KCNH1: variants seen among roughly 807,000 people sequenced by gnomAD.
KCNH1 encodes potassium voltage-gated channel subfamily H member 1.
In KCNH1, 27 loss-of-function variants were observed where a neutral mutation model predicts 69.2. That is an observed-to-expected ratio of 0.39 (90% CI 0.29 to 0.54). The LOEUF is 0.54. KCNH1 is among the 20% of genes least tolerant of loss of function. The probability of loss-of-function intolerance (pLI) is 0.68; values close to 1 mark genes in which losing one functional copy is unlikely to be tolerated. For synonymous variants in KCNH1, 456 were observed against 487.7 expected (o/e 0.93, Z 0.86); for missense variants, 798 against 1,261.6 (o/e 0.63, Z 5.57).
chr1:211,005,198 A>T (rs1689258584), intron 6 of KCNH1, among the ~76,000 whole-genome samples: 2 of 152,172 alleles, frequency 1.3e-5, no homozygotes, highest in South Asian at 4.1e-4. Context: ...AAATATTTCT[A>T]GAAAAATTCA....
intron 6 of KCNH1, among the ~76,000 whole-genome samples, chr1:211,005,770 CA>C: frequency 6.6e-6 from 1 of 152,072 alleles, no homozygotes; most frequent in Non-Finnish European, 1.5e-5. Flanking sequence ...TTTTGCTCAT[CA>C]AAATGCATCC....
intron 3 of KCNH1, among the ~76,000 whole-genome samples, chr1:211,092,380 C>T (rs1457098087): frequency 2.6e-5 from 4 of 152,184 alleles, no homozygotes; most frequent in Admixed American, 2.0e-4. Context: ...GTAGTAATAA[C>T]CCTGAAATGT....
intron 9 of KCNH1, among the ~76,000 whole-genome samples, chr1:210,791,781 CT>C (rs1297999934): frequency 7.2e-5 from 11 of 152,162 alleles, no homozygotes; most frequent in Admixed American, 7.2e-4. Context: ...ATGTTATGCT[CT>C]GGTGATTGCT....
At chr1:210,992,934 T>C (rs756856505) in intron 6 of KCNH1, among the ~76,000 whole-genome samples, 1 of 152,214 alleles carries the variant, frequency 6.6e-6, no homozygotes, top group Non-Finnish European at 1.5e-5. Context: ...TTCATGGGTC[T>C]GTCTTTGCAC....
intron 10 of KCNH1, among the ~76,000 whole-genome samples, chr1:210,718,675 C>T (rs1031964642): frequency 3.5e-5 from 4 of 112,802 alleles, no homozygotes; most frequent in Admixed American, 9.5e-5. Context: ...CACACACACA[C>T]ACACACACAC....
At position 210,821,802 on chromosome 1, in the gene KCNH1, CTATTTATTTATTTATTTATT is replaced by C. The variant is rs71767944; in HGVS notation, c.1463-17656_1463-17637del. 6.4e-3 allele frequency among the ~76,000 whole-genome samples: 907 copies of C among 142,524 alleles called. 8 individuals carry two copies. The highest frequency in any genetic ancestry group is 0.019 in the African/African-American group (723 of 38,232). 93.5% of individuals were successfully genotyped at this position (142,524 alleles called of 152,430 possible). A position where few individuals can be genotyped will look rare whatever the true frequency, so the allele number is the denominator to read the frequency against. ...ACTTGGTCCAATAGATTAACTCCAG[CTATTTATTTATTTATTTATT>C]TATTTATTTATTTATTTATTTATTT... On this transcript the variant is annotated intron_variant, in intron 7 of 10. Transcript: ENST00000271751.
chr1:210,902,472 C>A (rs147248748), intron 7 of KCNH1, among the ~76,000 whole-genome samples: 201 of 152,314 alleles, frequency 1.3e-3, no homozygotes, highest in African/African-American at 4.7e-3. Context: ...TGGGAGGAAG[C>A]TGGCTCTGTT....
At position 210,849,485 on chromosome 1, in the gene KCNH1, G is replaced by A. The variant is rs527468890; in HGVS notation, c.1463-45319C>T. 4.6e-5 allele frequency among the ~76,000 whole-genome samples: 7 copies of A among 150,862 alleles called. No homozygotes were observed. The East Asian group carries it at 1.4e-3, about 30-fold the overall frequency. On this transcript the variant is annotated intron_variant, in intron 7 of 10. Transcript: ENST00000271751. ...GGGTTCAAGCGATTCTCATGCCTCA[G>A]CCTCCTGGGTAGCTGGGATTACAAG...
At chr1:210,723,081 T>G (rs1022850150) in intron 10 of KCNH1, among the ~76,000 whole-genome samples, 1 of 152,122 alleles carries the variant, frequency 6.6e-6, no homozygotes. Flanking sequence ...TAAAGAGGTA[T>G]GAGCAAAGTA....
intron 3 of KCNH1, among the ~76,000 whole-genome samples, chr1:211,099,623 A>G (rs1334749293): frequency 6.6e-6 from 1 of 151,760 alleles, no homozygotes; most frequent in African/African-American, 2.4e-5. Flanking sequence ...TGACGCCCTC[A>G]CTTTGCATCA....
Position 210,679,510 on chromosome 1 carries a change from G to A in KCNH1, c.*3771C>T, listed in dbSNP as rs922201072. ...AGTGGTCAGTGCAACAAGGGGAAAT[G>A]AGAATCTTCCTATACCTAGTCTTCC... On this transcript the variant is annotated 3_prime_UTR_variant, in exon 11 of 11. Transcript: ENST00000271751. 1 of 152,230 alleles carries A rather than the reference G, an allele frequency of 6.6e-6. No individual in the cohort carries two copies. Among genetic ancestry groups the A allele is most frequent in the Admixed American group, 6.5e-5 (1 of 15,278 alleles). The allele number at this position is 152,230 out of a possible 1,614,324, so 9.4% of individuals were successfully genotyped here. A position where few individuals can be genotyped will look rare whatever the true frequency, so the allele number is the denominator to read the frequency against.
At chr1:211,094,680 G>C (rs1691114390) in intron 3 of KCNH1, among the ~76,000 whole-genome samples, 1 of 152,136 alleles carries the variant, frequency 6.6e-6, no homozygotes, top group Non-Finnish European at 1.5e-5. Context: ...GCCTTGGTGG[G>C]TTAGGTGCTC....
At chr1:211,037,912 C>G in intron 5 of KCNH1, among the ~76,000 whole-genome samples, 1 of 151,414 alleles carries the variant, frequency 6.6e-6, no homozygotes, top group Non-Finnish European at 1.5e-5. Context: ...ATAAGTCTCA[C>G]GAGATTTGAT....
chr1:210,823,221 T>G (rs1240217826), intron 7 of KCNH1, among the ~76,000 whole-genome samples: 1 of 152,092 alleles, frequency 6.6e-6, no homozygotes, highest in Admixed American at 6.6e-5. Context: ...TAAGTGGTCA[T>G]ACATGTGAAG....
intron 7 of KCNH1, among the ~76,000 whole-genome samples, chr1:210,907,592 G>C (rs887454272): frequency 1.3e-5 from 2 of 152,000 alleles, no homozygotes; most frequent in African/African-American, 2.4e-5. Context: ...ATGTGATCCT[G>C]TTCTGTCCTA....
intron 1 of KCNH1, among the ~76,000 whole-genome samples, chr1:211,115,716 T>TATA: frequency 1.0e-5 from 1 of 98,440 alleles, no homozygotes; most frequent in Non-Finnish European, 2.2e-5. Flanking sequence ...TATATATATA[T>TATA]GTATATATAT....
At chr1:210,933,628 C>T (rs1687723624) in intron 6 of KCNH1, among the ~76,000 whole-genome samples, 1 of 150,976 alleles carries the variant, frequency 6.6e-6, no homozygotes, top group African/African-American at 2.4e-5. Flanking sequence ...ACAAAATCAA[C>T]AAAACCATTA....
chr1:211,006,077 T>A (rs577966390), intron 6 of KCNH1, among the ~76,000 whole-genome samples: 45 of 152,262 alleles, frequency 3.0e-4, no homozygotes, highest in African/African-American at 8.9e-4. Flanking sequence ...TTAGGTAGAA[T>A]TAAGCAAACT....
intron 10 of KCNH1, among the ~76,000 whole-genome samples, chr1:210,694,524 C>T (rs576563503): frequency 7.9e-5 from 12 of 152,310 alleles, no homozygotes; most frequent in Non-Finnish European, 1.8e-4. Context: ...CAGTGGGGAG[C>T]AGAGCCACAG....
Sources: gnomAD v4.1 joint callset for allele counts (sites outside exome capture counted in the v4.1 genomes callset) on GRCh38, gnomAD v4.1.1 for gene constraint, MANE v1.5 for transcripts, NCBI Gene and HGNC (gene_info 2026-07-23, HGNC 2026-07-21) for gene names.